The following FRMD5 variants were observed in gnomAD, a reference collection of about 807,000 sequenced individuals.
FRMD5 encodes FERM domain containing 5.
FRMD5 carries 20 observed loss-of-function variants against 69.0 expected under a neutral mutation model. That is an observed-to-expected ratio of 0.29 (90% CI 0.20 to 0.42). The LOEUF is 0.42. Ranked by LOEUF, FRMD5 falls within the 10% of genes least tolerant of loss-of-function variation. The probability of loss-of-function intolerance (pLI) is 1.00; values close to 1 mark genes in which losing one functional copy is unlikely to be tolerated. For missense variants in FRMD5, 595 were observed against 708.6 expected, an observed-to-expected ratio of 0.84 and a Z score of 1.82; for synonymous variants, 271 against 260.1, an observed-to-expected ratio of 1.04 and a Z score of -0.40.
chr15:44,007,855 G>C (rs955512069), intron 1 of FRMD5, among the ~76,000 whole-genome samples: 2 of 151,816 alleles, frequency 1.3e-5, no homozygotes, highest in African/African-American at 2.4e-5. Context: ...TGTTGGTCAG[G>C]CTGGTCTGGA....
At chr15:43,899,070 C>T (rs1335480278) in intron 7 of FRMD5, among the ~76,000 whole-genome samples, 5 of 152,168 alleles carry the variant, frequency 3.3e-5, no homozygotes, top group African/African-American at 1.2e-4. Context: ...GGGCTGCATG[C>T]CCCAGATTCC....
At chr15:43,989,174 C>G (rs577788849) in intron 1 of FRMD5, 1 of 882,760 alleles carries the variant, frequency 1.1e-6, no homozygotes, top group African/African-American at 1.6e-5. Flanking sequence ...CCGATCCACA[C>G]GGAGTACTTG....
intron 1 of FRMD5, among the ~76,000 whole-genome samples, chr15:44,085,441 A>C (rs1479753769): frequency 6.6e-6 from 1 of 152,194 alleles, no homozygotes; most frequent in Non-Finnish European, 1.5e-5. Flanking sequence ...TAAGTTTTCA[A>C]GAAGATAAGG....
At chr15:44,158,031 C>A (rs181853442) in intron 1 of FRMD5, among the ~76,000 whole-genome samples, 17 of 152,242 alleles carry the variant, frequency 1.1e-4, no homozygotes, top group African/African-American at 3.9e-4. Context: ...TCTGGCGGAA[C>A]TGGATTTTAA....
intron 1 of FRMD5, among the ~76,000 whole-genome samples, chr15:44,125,041 T>G (rs889303795): frequency 8.5e-5 from 13 of 152,210 alleles, no homozygotes; most frequent in African/African-American, 2.9e-4. Context: ...TGTATTGTAG[T>G]CCTTTTTTCT....
intron 1 of FRMD5, among the ~76,000 whole-genome samples, chr15:43,995,055 G>A (rs767482844): frequency 6.6e-6 from 1 of 152,100 alleles, no homozygotes; most frequent in Non-Finnish European, 1.5e-5. Context: ...TCATCCCTCA[G>A]CATCTGTGGG....
At chr15:43,981,474 G>C (rs148541682) in intron 1 of FRMD5, among the ~76,000 whole-genome samples, 1 of 152,232 alleles carries the variant, frequency 6.6e-6, no homozygotes, top group Non-Finnish European at 1.5e-5. Context: ...GAGTAGCAGA[G>C]ATGGAAGAGG....
intron 1 of FRMD5, among the ~76,000 whole-genome samples, chr15:44,166,783 CAA>C (rs1006711939): frequency 1.1e-4 from 6 of 53,028 alleles, no homozygotes; most frequent in African/African-American, 2.6e-4. Context: ...GACCCTATCT[CAA>C]AAAAAAAAAA....
chr15:44,127,965 C>A (rs2077045974), intron 1 of FRMD5, among the ~76,000 whole-genome samples: 2 of 152,320 alleles, frequency 1.3e-5, no homozygotes, highest in African/African-American at 2.4e-5. Context: ...AGCAATCTGG[C>A]TTTTCAACAT....
At chr15:44,011,282 G>A (rs1307262444) in intron 1 of FRMD5, among the ~76,000 whole-genome samples, 1 of 152,008 alleles carries the variant, frequency 6.6e-6, no homozygotes, top group Non-Finnish European at 1.5e-5. Context: ...ACTGCTCTCT[G>A]GAGAAATTAA....
At chr15:44,038,406 G>C (rs1015180560) in intron 1 of FRMD5, among the ~76,000 whole-genome samples, 2 of 151,156 alleles carry the variant, frequency 1.3e-5, no homozygotes, top group Admixed American at 6.6e-5. Flanking sequence ...TTTTCTTCTA[G>C]GATTTTATGG....
In FRMD5 at chr15:43,873,432, T is replaced by C; in HGVS notation, c.*453A>G. On this transcript the variant is annotated 3_prime_UTR_variant, in exon 14 of 14. Coordinates refer to ENST00000417257, the MANE Select transcript of FRMD5 (RefSeq NM_032892.5). ...CAGTGATGAGTCTACTGGAACCCAG[T>C]GGCACCAGCAGGAAAAGCTCCTGCA... is the stretch of plus-strand genomic sequence containing the variant. The C allele has an allele frequency of 7.0e-7, 1 of 1,433,162 alleles. No individual in the cohort carries two copies. Among genetic ancestry groups the C allele is most frequent in the Non-Finnish European group, 9.1e-7 (1 of 1,103,648 alleles). The allele number at this position is 1,433,162 out of a possible 1,614,324, so 88.8% of individuals were successfully genotyped here.
At chr15:44,109,757 T>C (rs902036874) in intron 1 of FRMD5, among the ~76,000 whole-genome samples, 2 of 152,230 alleles carry the variant, frequency 1.3e-5, no homozygotes, top group African/African-American at 2.4e-5. Flanking sequence ...ATCACTGTCA[T>C]ATGATACAGA....
chr15:43,882,982 T>G (rs769681493), intron 13 of FRMD5, among the ~76,000 whole-genome samples: 19 of 151,900 alleles, frequency 1.3e-4, no homozygotes, highest in Admixed American at 7.9e-4. Flanking sequence ...ATTTTTTGTA[T>G]TTTTGGTAGA....
intron 1 of FRMD5, among the ~76,000 whole-genome samples, chr15:44,184,297 T>C (rs2078062349): frequency 6.6e-6 from 1 of 152,162 alleles, no homozygotes. Flanking sequence ...TAAGAAATTA[T>C]TACCAAAAAA....
At chr15:43,936,416 C>G (rs901848996) in intron 1 of FRMD5, among the ~76,000 whole-genome samples, 1 of 152,192 alleles carries the variant, frequency 6.6e-6, no homozygotes, top group Non-Finnish European at 1.5e-5. Flanking sequence ...GTCTTGAACT[C>G]CTGGGCTCAA....
chr15:44,120,921 A>G (rs2076940735), intron 1 of FRMD5, among the ~76,000 whole-genome samples: 1 of 152,126 alleles, frequency 6.6e-6, no homozygotes, highest in Admixed American at 6.5e-5. Context: ...GAAATTGGGT[A>G]TACATACCTT....
chr15:44,117,495 G>A (rs1469092278), intron 1 of FRMD5, among the ~76,000 whole-genome samples: 2 of 152,218 alleles, frequency 1.3e-5, no homozygotes, highest in Admixed American at 1.3e-4. Flanking sequence ...CTCAGGCTGA[G>A]CATTTTCGGG....
chr15:43,957,250 C>G (rs1283665012), intron 1 of FRMD5, among the ~76,000 whole-genome samples: 1 of 151,900 alleles, frequency 6.6e-6, no homozygotes, highest in African/African-American at 2.4e-5. Context: ...GGCTGGAGTA[C>G]AGTGGTGAGA....
Sources: gnomAD v4.1 joint callset for allele counts (sites outside exome capture counted in the v4.1 genomes callset) on GRCh38, gnomAD v4.1.1 for gene constraint, MANE v1.5 for transcripts, NCBI Gene and HGNC (gene_info 2026-07-23, HGNC 2026-07-21) for gene names.